The following FAM98A variants were observed in gnomAD, a reference collection of about 807,000 sequenced individuals.
The protein encoded by FAM98A is tRNA splicing ligase complex subunit 3A.
In FAM98A, 25 loss-of-function variants were observed where a neutral mutation model predicts 62.9. The ratio of observed to expected loss-of-function variants is 0.40; its 90% CI spans 0.29 to 0.56. The LOEUF (loss-of-function observed/expected upper bound fraction) is 0.56, where lower values mean the gene tolerates loss of function less well. Among genes scored for constraint, FAM98A ranks in the 20% least tolerant of loss-of-function variants. The pLI is 0.51. For missense variants in FAM98A, 653 were observed against 640.7 expected (o/e 1.02, Z -0.21); for synonymous variants, 252 against 228.6 (o/e 1.10, Z -0.92).
intron 1 of FAM98A, among the ~76,000 whole-genome samples, chr2:33,598,361 C>A (rs990129320): frequency 2.0e-5 from 3 of 152,120 alleles, no homozygotes; most frequent in African/African-American, 7.2e-5. Flanking sequence ...CACATTTAGC[C>A]CAAGAGGGTC....
rs1219425244 is a variant in FAM98A at position 33,595,574 on chromosome 2, G to A, written c.117C>T (p.Ser39=). ...AAGCACAGAGTTTGGTAAACTCGGG[G>A]GAACTGGCTCCAGCAGAGACTGCCT... The part of the protein sequence containing the change: ...LSQAVSAGAS[S]PEFTKLCAWL... Residue 39 remains serine, a synonymous_variant, in exon 2 of 8, where the codon TCC becomes TCT. Transcript: ENST00000238823. 5 of 1,609,058 alleles carry A rather than the reference G, an allele frequency of 3.1e-6. No homozygotes were observed. The highest frequency in any genetic ancestry group is 4.2e-6 in the Non-Finnish European group (5 of 1,178,226).
Position 33,587,303 on chromosome 2 carries a change from T to C in FAM98A, c.540A>G (p.Ala180=). The C allele has an allele frequency of 6.2e-7, 1 of 1,613,166 alleles. No individual in the cohort carries two copies. The highest frequency in any genetic ancestry group is 1.1e-5 in the South Asian group (1 of 91,072). Residue 180 remains alanine (A), a synonymous_variant, in exon 5 of 8, where the codon GCA becomes GCG. Coordinates refer to ENST00000238823, the MANE Select transcript of FAM98A (RefSeq NM_015475.5). The part of the protein sequence containing the change: ...GIEKKLKETL[A]KVPPNHVGKP... ...TTCCCACATGATTAGGTGGAACTTT[T>C]GCTAATGTTTCCTTTAACTGACACA...
chr2:33,595,068 C>A (rs1004277341), intron 2 of FAM98A, among the ~76,000 whole-genome samples: 2 of 152,180 alleles, frequency 1.3e-5, no homozygotes, highest in Non-Finnish European at 2.9e-5. Context: ...TCTTTCTCCC[C>A]AAGCATAACA....
At chr2:33,597,502 A>G (rs956230484) in intron 1 of FAM98A, among the ~76,000 whole-genome samples, 4 of 152,056 alleles carry the variant, frequency 2.6e-5, no homozygotes. Flanking sequence ...TTTACATTAC[A>G]CTCTATGTCA....
chr2:33,597,181 T>C (rs1677832353), intron 1 of FAM98A, among the ~76,000 whole-genome samples: 1 of 152,124 alleles, frequency 6.6e-6, no homozygotes, highest in Non-Finnish European at 1.5e-5. Flanking sequence ...ATTCCTACTG[T>C]GTGCCAGGTA....
rs754856176 is a variant in FAM98A, at chr2:33,594,640, CAT to C, written c.202+847_202+848del. 1.7e-3 allele frequency among the ~76,000 whole-genome samples: 197 copies of C among 117,380 alleles called. 46 individuals carry two copies. Among genetic ancestry groups the C allele is most frequent in the African/African-American group, 5.7e-3 (147 of 25,990 alleles). The allele number at this position is 117,380 out of a possible 152,430, so 77.0% of individuals were successfully genotyped here. ...ATATATATACACACATATATATACACATATATATATACACACATATATATACA... is the reference window on the plus strand; with the variant it reads ...ATATATATACACACATATATATACACATATATATACACACATATATATACA... On this transcript the variant is annotated intron_variant, in intron 2 of 7. Transcript: ENST00000238823.
intron 2 of FAM98A, among the ~76,000 whole-genome samples, chr2:33,592,500 G>A (rs1482632618): frequency 6.6e-6 from 1 of 151,928 alleles, no homozygotes; most frequent in South Asian, 2.1e-4. Context: ...GGAATAGCTG[G>A]GCCTACAGGT....
chr2:33,587,317 T>TGC lies in FAM98A; in HGVS notation c.525_526insGC (p.Lys176AlafsTer5). On this transcript the variant is annotated frameshift_variant, in exon 5 of 8. Coordinates refer to ENST00000238823, the MANE Select transcript of FAM98A (RefSeq NM_015475.5). LOFTEE classifies it high-confidence loss of function. ...GGTGGAACTTTTGCTAATGTTTCCT[T>TGC]TAACTGACACAAAAACATAAATAAA... is the stretch of plus-strand genomic sequence containing the variant. 1 of 1,610,094 alleles carries TGC rather than the reference T, an allele frequency of 6.2e-7. No individual in the cohort carries two copies. The highest frequency in any genetic ancestry group is 1.7e-5 in the Admixed American group (1 of 60,024).
At chr2:33,591,158 G>C (rs1677663777) in intron 3 of FAM98A, among the ~76,000 whole-genome samples, 1 of 150,836 alleles carries the variant, frequency 6.6e-6, no homozygotes, top group African/African-American at 2.4e-5. Flanking sequence ...AAGTGATTCT[G>C]GAATAACTTA....
At position 33,588,319 on chromosome 2, in the gene FAM98A, G is replaced by T. The variant is rs368717015; in HGVS notation, c.522+16C>A. ...TATGCCTTTAATACACTACAATTTGGTACTAAAGGTCTTACTTTTTTTTCA... is the reference window on the plus strand; with the variant it reads ...TATGCCTTTAATACACTACAATTTGTTACTAAAGGTCTTACTTTTTTTTCA... On this transcript the variant is annotated intron_variant, in intron 4 of 7. Coordinates refer to ENST00000238823, the MANE Select transcript of FAM98A (RefSeq NM_015475.5). 2.5e-5 allele frequency: 40 copies of T among 1,597,250 alleles called. No individual in the cohort carries two copies. Among genetic ancestry groups the T allele is most frequent in the Non-Finnish European group, 3.4e-5 (40 of 1,167,908 alleles).
rs779225352 is a variant in FAM98A, at chr2:33,585,219, C to A, written c.1114G>T (p.Gly372Trp). The A allele has an allele frequency of 4.3e-6, 7 of 1,614,116 alleles. No individual in the cohort carries two copies. Among genetic ancestry groups the A allele is most frequent in the Non-Finnish European group, 5.9e-6 (7 of 1,180,036 alleles). Residue 372 changes from glycine to tryptophan, a missense_variant, in exon 8 of 8, where the codon GGG (glycine) becomes TGG (tryptophan). Transcript: ENST00000238823. ...TGATGCTTATTTCCTCTTCCTCCCC[C>A]TCGGCCACCATGGTCATAGCCACCA... ...GRGGYDHGGR[G>W]GGRGNKHQGG... is the part of the protein sequence containing the mutation.
At chr2:33,587,129 A>G (rs776914417) in intron 5 of FAM98A, 111 bp downstream of exon 5, 13 of 689,834 alleles carry the variant, frequency 1.9e-5, no homozygotes, top group Non-Finnish European at 1.5e-5. Flanking sequence ...TTCAACTAGA[A>G]AACTATGTAT....
chr2:33,585,889 T>A (rs1677536901), intron 6 of FAM98A, among the ~76,000 whole-genome samples, 192 bp from the exon 7 acceptor site: 1 of 152,174 alleles, frequency 6.6e-6, no homozygotes, highest in Non-Finnish European at 1.5e-5. Context: ...GCTGCCAGAC[T>A]TGTTGACACA....
intron 1 of FAM98A, among the ~76,000 whole-genome samples, chr2:33,597,810 A>G (rs918814233): frequency 6.6e-6 from 1 of 152,150 alleles, no homozygotes; most frequent in Non-Finnish European, 1.5e-5. Flanking sequence ...TCCTCACAGC[A>G]TATTTTCCCA....
At chr2:33,593,857 A>C (rs1478261681) in intron 2 of FAM98A, among the ~76,000 whole-genome samples, 2 of 152,152 alleles carry the variant, frequency 1.3e-5, no homozygotes, top group Admixed American at 1.3e-4. Context: ...CTTCTGTATC[A>C]TGTTTCATTT....
At chr2:33,597,524 G>A (rs544715526) in intron 1 of FAM98A, among the ~76,000 whole-genome samples, 37 of 151,954 alleles carry the variant, frequency 2.4e-4, no homozygotes, top group African/African-American at 7.7e-4. Flanking sequence ...GTAGTTATGT[G>A]ATTACAATTA....
intron 5 of FAM98A, 188 bp from the exon 6 acceptor site, chr2:33,586,866 A>C: frequency 1.7e-6 from 1 of 585,592 alleles, no homozygotes; most frequent in South Asian, 2.2e-5. Context: ...TTCACAAAAC[A>C]TAATGAAGAG....
At position 33,584,857 on chromosome 2, in the gene FAM98A, A is replaced by G. The variant is rs1439958155; in HGVS notation, c.1476T>C (p.Gly492=). ...CATGCTGGAAATGCTGTTCAAATTG[A>G]CCCCCTTGGTGATAATTCTGGCTCC... ...GRGSQNYHQG[G]QFEQHFQHGG... is the part of the protein sequence containing the mutation. Residue 492 remains glycine, a synonymous_variant, in exon 8 of 8, where the codon GGT becomes GGC. Coordinates refer to ENST00000238823, the MANE Select transcript of FAM98A (RefSeq NM_015475.5). 3 of 1,613,732 alleles carry G rather than the reference A, an allele frequency of 1.9e-6. No homozygotes were observed. The highest frequency in any genetic ancestry group is 2.5e-6 in the Non-Finnish European group (3 of 1,179,914).
rs1459586269 is a variant in FAM98A, at chr2:33,585,589, T to C, written c.829A>G (p.Lys277Glu). The change falls in exon 7 of 8, where the codon AAG (lysine) becomes GAG (glutamate). Residue 277 changes from lysine (K) to glutamate (E), a missense_variant. Lys to Glu is a moderately conservative substitution (Grantham distance 56, BLOSUM62 1). Coordinates refer to ENST00000238823, the MANE Select transcript of FAM98A (RefSeq NM_015475.5). ...GAGCCGCTGCTTGTCCTTAAAATCT[T>C]TGACAAGTCCTGCCTTGCAGCCAAA... ...HLLAARQDLS[K>E]ILRTSSGSIR... is the part of the protein sequence containing the mutation. 3 of 1,614,222 alleles carry C rather than the reference T, an allele frequency of 1.9e-6. No individual in the cohort carries two copies. Among genetic ancestry groups the C allele is most frequent in the Admixed American group, 1.7e-5 (1 of 60,030 alleles).
Sources: gnomAD v4.1 joint callset for allele counts (sites outside exome capture counted in the v4.1 genomes callset) on GRCh38, gnomAD v4.1.1 for gene constraint, MANE v1.5 for transcripts, NCBI Gene and HGNC (gene_info 2026-07-23, HGNC 2026-07-21) for gene names.